The following DNER variants were observed in gnomAD, a reference collection of about 807,000 sequenced individuals.
The protein encoded by DNER is delta and Notch-like epidermal growth factor-related receptor.
DNER carries 33 observed loss-of-function variants against 78.2 expected under a neutral mutation model. The ratio of observed to expected loss-of-function variants is 0.42; its 90% confidence interval spans 0.32 to 0.56. DNER has a LOEUF of 0.56. Among genes scored for constraint, DNER ranks in the 20% least tolerant of loss-of-function variants. The pLI, the probability that DNER is intolerant of heterozygous loss-of-function variation, is 0.11. For synonymous variants in DNER, 417 were observed against 384.8 expected (o/e 1.08, Z -0.98); for missense variants, 918 against 975.3 (o/e 0.94, Z 0.78).
chr2:229,608,667 G>A (rs1697986142), intron 1 of DNER, among the ~76,000 whole-genome samples: 1 of 152,196 alleles, frequency 6.6e-6, no homozygotes. Flanking sequence ...AATATTTTAA[G>A]AGATGAAAGC....
At chr2:229,492,764 G>A (rs899146100) in intron 6 of DNER, among the ~76,000 whole-genome samples, 3 of 152,186 alleles carry the variant, frequency 2.0e-5, no homozygotes, top group East Asian at 1.9e-4. Context: ...AAACACCTGG[G>A]TTCAAGCTAA....
chr2:229,496,450 C>T (rs1416602226), intron 6 of DNER, among the ~76,000 whole-genome samples: 4 of 152,154 alleles, frequency 2.6e-5, no homozygotes, highest in Non-Finnish European at 5.9e-5. Context: ...AGTAAGTCCT[C>T]ACCTATCAAT....
intron 6 of DNER, among the ~76,000 whole-genome samples, chr2:229,505,167 G>A (rs1001965452): frequency 2.1e-5 from 2 of 95,124 alleles, no homozygotes; most frequent in Middle Eastern, 6.5e-3. Flanking sequence ...TGAGGATTAT[G>A]TGTTGCTGCA....
At chr2:229,602,266 A>G (rs1382792956) in intron 1 of DNER, among the ~76,000 whole-genome samples, 1 of 151,974 alleles carries the variant, frequency 6.6e-6, no homozygotes, top group African/African-American at 2.4e-5. Flanking sequence ...TGCAGAAAAA[A>G]CTCTTATTAA....
intron 4 of DNER, among the ~76,000 whole-genome samples, chr2:229,557,721 C>T (rs1387967709): frequency 2.0e-5 from 3 of 149,338 alleles, no homozygotes; most frequent in African/African-American, 4.9e-5. Context: ...AAGATAGATA[C>T]TGAGGGAGAC....
intron 10 of DNER, among the ~76,000 whole-genome samples, chr2:229,402,312 T>G (rs887960353): frequency 5.9e-5 from 9 of 152,146 alleles, no homozygotes; most frequent in Non-Finnish European, 1.2e-4. Context: ...CAACCAAAAT[T>G]TTTTAAATGG....
At chr2:229,658,674 G>A (rs1031285028) in intron 1 of DNER, among the ~76,000 whole-genome samples, 1 of 151,854 alleles carries the variant, frequency 6.6e-6, no homozygotes, top group African/African-American at 2.4e-5. Context: ...AATAAAAGAT[G>A]TATTTTACTC....
Position 229,663,804 on chromosome 2 carries a change from A to G in DNER, c.276+50344T>C, listed in dbSNP as rs147118163. On this transcript the variant is annotated intron_variant, in intron 1 of 12. Coordinates refer to ENST00000341772, the MANE Select transcript of DNER (RefSeq NM_139072.4). Reference sequence around the variant, plus strand: ...TTTTTAATTTTTTCCTGAGAGTTACAGGAAGTAGAGGATAGGGGTGCAATT... The same window carrying G: ...TTTTTAATTTTTTCCTGAGAGTTACGGGAAGTAGAGGATAGGGGTGCAATT... Among the ~76,000 whole-genome samples the G allele has an allele frequency of 7.2e-3, 1,091 of 152,268 alleles. 8 individuals are homozygous for G. The highest frequency in any genetic ancestry group is 0.01 in the Non-Finnish European group (713 of 68,004).
At position 229,501,784 on chromosome 2, in the gene DNER, C is replaced by T. The variant is rs372950790; in HGVS notation, c.1147+10999G>A. On this transcript the variant is annotated intron_variant, in intron 6 of 12. Transcript: ENST00000341772. Reference sequence around the variant, plus strand: ...GTTTTTGTGTATTTATCTGGTGTTTCGGAGGTTAATTAATTGATATTAATT... The same window carrying T: ...GTTTTTGTGTATTTATCTGGTGTTTTGGAGGTTAATTAATTGATATTAATT... Among the ~76,000 whole-genome samples, 21 of 152,182 alleles carry T rather than the reference C, an allele frequency of 1.4e-4. 1 individual carries two copies. Among genetic ancestry groups the T allele is most frequent in the Admixed American group, 2.6e-4 (4 of 15,294 alleles).
At chr2:229,514,265 CAG>C (rs1695927588) in intron 5 of DNER, among the ~76,000 whole-genome samples, 2 of 152,136 alleles carry the variant, frequency 1.3e-5, no homozygotes, top group Admixed American at 1.3e-4. Context: ...TAGTACACGT[CAG>C]AGTTTTTAGT....
chr2:229,420,070 A>G (rs752276704), intron 8 of DNER, among the ~76,000 whole-genome samples: 1 of 151,754 alleles, frequency 6.6e-6, no homozygotes, highest in Non-Finnish European at 1.5e-5. Flanking sequence ...TCAGCAAACT[A>G]TGGCCCACAG....
intron 1 of DNER, among the ~76,000 whole-genome samples, chr2:229,636,673 A>G (rs1272661563): frequency 6.6e-6 from 1 of 152,220 alleles, no homozygotes; most frequent in African/African-American, 2.4e-5. Flanking sequence ...ACAGCTAACA[A>G]GGTATGAACT....
intron 10 of DNER, among the ~76,000 whole-genome samples, chr2:229,393,447 A>T (rs566449687): frequency 4.5e-4 from 69 of 152,032 alleles, no homozygotes; most frequent in African/African-American, 1.6e-3. Context: ...AAATAAAAAT[A>T]AAAAAATAGT....
intron 7 of DNER, among the ~76,000 whole-genome samples, chr2:229,462,969 A>G (rs2154210911): frequency 6.6e-6 from 1 of 152,216 alleles, no homozygotes; most frequent in South Asian, 2.1e-4. Flanking sequence ...TAAGTGTTAG[A>G]CAAGCAGGTC....
chr2:229,529,656 C>A (rs1696266448), intron 5 of DNER, among the ~76,000 whole-genome samples: 3 of 151,982 alleles, frequency 2.0e-5, no homozygotes, highest in Admixed American at 2.0e-4. Flanking sequence ...AAACTAAGAC[C>A]AGAGAATTAC....
intron 8 of DNER, among the ~76,000 whole-genome samples, chr2:229,441,055 C>T (rs1237652295): frequency 6.6e-6 from 1 of 151,540 alleles, no homozygotes; most frequent in Non-Finnish European, 1.5e-5. Context: ...AACTCCTTAG[C>T]ATCTACATTC....
intron 1 of DNER, among the ~76,000 whole-genome samples, chr2:229,660,186 T>C (rs906743523): frequency 1.1e-4 from 16 of 152,130 alleles, no homozygotes; most frequent in African/African-American, 3.9e-4. Context: ...TAAACTTGGG[T>C]CACGGTGTTT....
At chr2:229,408,487 C>T (rs1278043493) in intron 9 of DNER, among the ~76,000 whole-genome samples, 1 of 151,978 alleles carries the variant, frequency 6.6e-6, no homozygotes, top group Non-Finnish European at 1.5e-5. Context: ...TTCTACCTTG[C>T]CTAAGAACGT....
intron 10 of DNER, among the ~76,000 whole-genome samples, chr2:229,405,312 G>A (rs569758652): frequency 6.6e-6 from 1 of 152,216 alleles, no homozygotes; most frequent in South Asian, 2.1e-4. Flanking sequence ...AGAAAATATC[G>A]GTTCAATGTT....
Sources: gnomAD v4.1 joint callset for allele counts (sites outside exome capture counted in the v4.1 genomes callset) on GRCh38, gnomAD v4.1.1 for gene constraint, MANE v1.5 for transcripts, NCBI Gene and HGNC (gene_info 2026-07-23, HGNC 2026-07-21) for gene names.